SWAP70: variants seen among roughly 807,000 people sequenced by gnomAD.
SWAP70 encodes switching B cell complex subunit SWAP70.
A neutral mutation model predicts 80.2 loss-of-function variants in SWAP70; 34 were observed. That is an observed-to-expected ratio of 0.42 (90% CI 0.32 to 0.56). The LOEUF (loss-of-function observed/expected upper bound fraction) is 0.56, where lower values mean the gene tolerates loss of function less well. Among genes scored for constraint, SWAP70 ranks in the 20% least tolerant of loss-of-function variants. The probability of loss-of-function intolerance (pLI) is 0.09; values close to 1 mark genes in which losing one functional copy is unlikely to be tolerated. For synonymous variants in SWAP70, 239 were observed against 238.5 expected (o/e 1.00, Z -0.02); for missense variants, 578 against 690.7 (o/e 0.84, Z 1.83).
chr11:9,719,093 C>CAA (rs3049796), intron 3 of SWAP70, among the ~76,000 whole-genome samples: 12 of 95,738 alleles, frequency 1.3e-4, no homozygotes, highest in African/African-American at 2.6e-4. Flanking sequence ...GACACTGAAT[C>CAA]AAAAAAAAAA....
At chr11:9,725,726 C>G (rs901312797) in intron 4 of SWAP70, among the ~76,000 whole-genome samples, 1 of 151,470 alleles carries the variant, frequency 6.6e-6, no homozygotes, top group Non-Finnish European at 1.5e-5. Flanking sequence ...TGTGCGCCAC[C>G]ACGTCCAGCT....
At chr11:9,676,327 A>G (rs551641928) in intron 1 of SWAP70, among the ~76,000 whole-genome samples, 69 of 152,182 alleles carry the variant, frequency 4.5e-4, no homozygotes, top group Admixed American at 2.2e-3. Context: ...ATTCAACGTT[A>G]GACATTTTTT....
At chr11:9,729,197 A>C (rs140527856) in intron 5 of SWAP70, 146 bp from the exon 6 acceptor site, 252 of 632,188 alleles carry the variant, frequency 4.0e-4, no homozygotes, top group African/African-American at 3.6e-3. Flanking sequence ...TAATGTGCTT[A>C]GGAAACAGCA....
intron 5 of SWAP70, 84 bp downstream of exon 5, chr11:9,728,283 CTCT>C: frequency 7.8e-7 from 1 of 1,274,824 alleles, no homozygotes; most frequent in Non-Finnish European, 1.0e-6. Context: ...TCCACCTAGA[CTCT>C]AGAACCTTAA....
At chr11:9,691,793 C>T (rs1466233754) in intron 1 of SWAP70, among the ~76,000 whole-genome samples, 1 of 152,222 alleles carries the variant, frequency 6.6e-6, no homozygotes, top group Admixed American at 6.5e-5. Flanking sequence ...TCCAAGGCCC[C>T]TGCCAGGGCT....
chr11:9,727,780 A>T (rs1199415089), intron 4 of SWAP70, among the ~76,000 whole-genome samples: 1 of 152,184 alleles, frequency 6.6e-6, no homozygotes, highest in Non-Finnish European at 1.5e-5. Context: ...CTCAAATGCT[A>T]CTTAATGTCA....
chr11:9,723,771 CTTTTTTTT>C (rs34551025), intron 3 of SWAP70, among the ~76,000 whole-genome samples: 13 of 124,608 alleles, frequency 1.0e-4, no homozygotes, highest in African/African-American at 2.7e-4. Flanking sequence ...TCCTTCTTTA[CTTTTTTTT>C]TTTTTTTTTT....
Position 9,735,851 on chromosome 11 carries a change from G to T in SWAP70, c.1081-2362G>T, listed in dbSNP as rs71476844. On this transcript the variant is annotated intron_variant, in intron 7 of 11. Transcript: ENST00000318950. ...CAGTTTTACTGTGGTGTATGTGGGT[G>T]TAGATCTCTTTGTGTTTATCCTGTT... 5.3e-3 allele frequency among the ~76,000 whole-genome samples: 808 copies of T among 152,224 alleles called. 1 individual carries two copies. The highest frequency in any genetic ancestry group is 9.4e-3 in the Non-Finnish European group (638 of 68,004).
chr11:9,705,654 GTATACAC>G (rs1850898619), intron 2 of SWAP70, among the ~76,000 whole-genome samples: 2 of 143,574 alleles, frequency 1.4e-5, no homozygotes, highest in African/African-American at 5.7e-5. Flanking sequence ...TTGGTGATCT[GTATACAC>G]TGGTGATCTG....
chr11:9,719,186 C>T (rs185083570), intron 3 of SWAP70, among the ~76,000 whole-genome samples: 112 of 151,496 alleles, frequency 7.4e-4, no homozygotes, highest in Non-Finnish European at 1.3e-3. Flanking sequence ...AGGCTGATCA[C>T]TTGAGCTCAG....
At chr11:9,698,241 T>G (rs539247048) in intron 2 of SWAP70, among the ~76,000 whole-genome samples, 1 of 151,410 alleles carries the variant, frequency 6.6e-6, no homozygotes, top group African/African-American at 2.4e-5. Flanking sequence ...AATGGGATTA[T>G]AGTTGTGTGC....
At chr11:9,686,474 C>T (rs1850634661) in intron 1 of SWAP70, among the ~76,000 whole-genome samples, 1 of 151,876 alleles carries the variant, frequency 6.6e-6, no homozygotes, top group Non-Finnish European at 1.5e-5. Context: ...GATTCTCCTA[C>T]CTTAGCCTCC....
intron 9 of SWAP70, among the ~76,000 whole-genome samples, chr11:9,744,332 G>A (rs1851483397): frequency 6.6e-6 from 1 of 151,896 alleles, no homozygotes; most frequent in South Asian, 2.1e-4. Context: ...TACACAGTAG[G>A]TGTTTATATT....
At chr11:9,738,439 G>A in intron 8 of SWAP70, 119 bp downstream of exon 8, 1 of 581,536 alleles carries the variant, frequency 1.7e-6, no homozygotes. Flanking sequence ...TACTGACCTG[G>A]AATGGGCTGT....
rs147984095 is a variant in SWAP70 at position 9,716,461 on chromosome 11, C to T, written c.414+2822C>T. Reference sequence around the variant, plus strand: ...GAAATCAGACTGACTGGTTTGAAACCCACCTCTACCACTTATTAGCTTTGT... The same window carrying T: ...GAAATCAGACTGACTGGTTTGAAACTCACCTCTACCACTTATTAGCTTTGT... On this transcript the variant is annotated intron_variant, in intron 3 of 11. Transcript: ENST00000318950. 6.0e-3 allele frequency among the ~76,000 whole-genome samples: 917 copies of T among 152,216 alleles called. 6 individuals carry two copies. Among genetic ancestry groups the T allele is most frequent in the Non-Finnish European group, 9.2e-3 (623 of 68,012 alleles).
At chr11:9,695,075 G>A (rs1850738538) in intron 2 of SWAP70, among the ~76,000 whole-genome samples, 1 of 152,062 alleles carries the variant, frequency 6.6e-6, no homozygotes, top group South Asian at 2.1e-4. Flanking sequence ...GATCACCTGA[G>A]GTCAGGAGTT....
chr11:9,673,112 C>T (rs1256503276), intron 1 of SWAP70, among the ~76,000 whole-genome samples: 1 of 152,140 alleles, frequency 6.6e-6, no homozygotes, highest in Non-Finnish European at 1.5e-5. Context: ...AGTGTCAGAT[C>T]CCACAGAGTG....
chr11:9,737,304 A>G (rs1851375312), intron 7 of SWAP70, among the ~76,000 whole-genome samples: 1 of 152,074 alleles, frequency 6.6e-6, no homozygotes, highest in Admixed American at 6.5e-5. Context: ...TCTCACTGAC[A>G]CTGTGGGGGT....
At chr11:9,675,357 GAGAGA>G (rs1850479626) in intron 1 of SWAP70, among the ~76,000 whole-genome samples, 1 of 24,920 alleles carries the variant, frequency 4.0e-5, no homozygotes, top group African/African-American at 2.1e-4. Flanking sequence ...GAGAGAGAGA[GAGAGA>G]GAGAGAGAGA....
Sources: allele counts gnomAD v4.1 joint callset (sites outside exome capture counted in the v4.1 genomes callset), GRCh38; gene constraint gnomAD v4.1.1; transcripts MANE v1.5; gene names NCBI Gene and HGNC (gene_info 2026-07-23, HGNC 2026-07-21).